SLC15A2: variants seen among roughly 807,000 people sequenced by gnomAD.
SLC15A2 encodes kidney H(+)/peptide cotransporter.
SLC15A2 carries 77 observed loss-of-function variants against 95.5 expected under a neutral mutation model. The ratio of observed to expected loss-of-function variants is 0.81; its 90% confidence interval spans 0.67 to 0.97. The LOEUF (loss-of-function observed/expected upper bound fraction) is 0.97. Among genes scored for constraint, SLC15A2 ranks in the 50% least tolerant of loss-of-function variants. The probability of loss-of-function intolerance (pLI) is 0.00; values close to 1 mark genes in which losing one functional copy is unlikely to be tolerated. For synonymous variants in SLC15A2, 306 were observed against 306.9 expected (o/e 1.00, Z 0.03); for missense variants, 893 against 874.4 (o/e 1.02, Z -0.27).
intron 7 of SLC15A2, among the ~76,000 whole-genome samples, chr3:121,921,331 T>G (rs997589968): frequency 1.3e-5 from 2 of 152,154 alleles, no homozygotes; most frequent in African/African-American, 4.8e-5. Context: ...GTACAGTATG[T>G]GGTGTAAGAA....
At chr3:121,907,595 T>G (rs1363861151) in intron 3 of SLC15A2, among the ~76,000 whole-genome samples, 1 of 152,228 alleles carries the variant, frequency 6.6e-6, no homozygotes, top group East Asian at 1.9e-4. Flanking sequence ...TTAGTTTTCC[T>G]TCTAACAGTC....
chr3:121,926,834 A>T (rs535885615), intron 13 of SLC15A2, among the ~76,000 whole-genome samples: 1 of 152,364 alleles, frequency 6.6e-6, no homozygotes, highest in African/African-American at 2.4e-5. Context: ...CTGCAAAGCC[A>T]CAAGGGTGGA....
chr3:121,902,812 G>A (rs9827473), intron 3 of SLC15A2, among the ~76,000 whole-genome samples: 68,076 of 152,078 alleles, frequency 0.45, 15,771 homozygotes, highest in East Asian at 0.69. Context: ...TAGTGCTGCA[G>A]TAAACATATG....
chr3:121,942,435 T>C lies in SLC15A2; in HGVS notation c.*1428T>C, dbSNP rs1272341844. 6.6e-6 allele frequency: 1 copy of C among 152,230 alleles called. No homozygotes were observed. Among genetic ancestry groups the C allele is most frequent in the Non-Finnish European group, 1.5e-5 (1 of 68,040 alleles). 9.4% of individuals were successfully genotyped at this position (152,230 alleles called of 1,614,324 possible). On this transcript the variant is annotated 3_prime_UTR_variant, in exon 22 of 22. Coordinates refer to ENST00000489711, the MANE Select transcript of SLC15A2 (RefSeq NM_021082.4). ...ACAGTGTTGGGTCTCATACTGTTAATGTTAATACGTAACAATGTTCATGTT... is the reference window on the plus strand; with the variant it reads ...ACAGTGTTGGGTCTCATACTGTTAACGTTAATACGTAACAATGTTCATGTT...
At chr3:121,904,560 AG>A (rs1185255628) in intron 3 of SLC15A2, among the ~76,000 whole-genome samples, 2 of 152,320 alleles carry the variant, frequency 1.3e-5, no homozygotes, top group East Asian at 1.9e-4. Flanking sequence ...TTTAGCATGA[AG>A]GGCTGTTGAT....
At chr3:121,912,994 G>A (rs1523519) in intron 4 of SLC15A2, 27 bp from the exon 5 acceptor site, 468,756 of 1,535,402 alleles carry the variant, frequency 0.31, 74,092 homozygotes, top group Admixed American at 0.43. Context: ...TATCAACATG[G>A]TTGGCATTCT....
chr3:121,931,849 A>C (rs966735971), intron 19 of SLC15A2, 114 bp downstream of exon 19: 1 of 629,200 alleles, frequency 1.6e-6, no homozygotes, highest in East Asian at 2.7e-5. Context: ...GCAGACACGT[A>C]TATTTATTTC....
intron 3 of SLC15A2, among the ~76,000 whole-genome samples, chr3:121,909,153 C>T (rs1709712917): frequency 6.6e-6 from 1 of 152,046 alleles, no homozygotes; most frequent in Non-Finnish European, 1.5e-5. Flanking sequence ...ACCTCCACCT[C>T]CTGGGTTAAA....
At chr3:121,914,874 AACCAC>A in intron 5 of SLC15A2, 1 of 440,594 alleles carries the variant, frequency 2.3e-6, no homozygotes, top group Non-Finnish European at 3.0e-6. Flanking sequence ...AAAAAAAAAA[AACCAC>A]AAACACACAC....
At chr3:121,931,391 T>C (rs1710229816) in intron 18 of SLC15A2, among the ~76,000 whole-genome samples, 1 of 152,256 alleles carries the variant, frequency 6.6e-6, no homozygotes, top group Non-Finnish European at 1.5e-5. Flanking sequence ...CAAAAGAATA[T>C]GATTTGTAAC....
intron 19 of SLC15A2, among the ~76,000 whole-genome samples, chr3:121,932,445 G>T (rs1710251915): frequency 2.0e-5 from 3 of 152,086 alleles, no homozygotes. Flanking sequence ...AATTTGATCT[G>T]CTAGCATGTC....
At chr3:121,937,703 G>T (rs1012430362) in intron 19 of SLC15A2, among the ~76,000 whole-genome samples, 1 of 152,018 alleles carries the variant, frequency 6.6e-6, no homozygotes, top group Non-Finnish European at 1.5e-5. Flanking sequence ...CTTTGCCTTT[G>T]GTTTGAATGT....
intron 19 of SLC15A2, among the ~76,000 whole-genome samples, chr3:121,931,940 C>T (rs553257775): frequency 3.0e-4 from 45 of 152,234 alleles, no homozygotes; most frequent in Non-Finnish European, 5.0e-4. Context: ...GCTCTCATCG[C>T]GCAGGCTGGA....
chr3:121,906,987 C>A (rs992468296), intron 3 of SLC15A2, among the ~76,000 whole-genome samples: 8 of 152,148 alleles, frequency 5.3e-5, no homozygotes, highest in Non-Finnish European at 8.8e-5. Flanking sequence ...TCAGGTACAC[C>A]AATCAAATGT....
rs1459691521 is a variant in SLC15A2 at position 121,939,436 on chromosome 3, C to G, written c.1849C>G (p.Leu617Val). Reference protein sequence around the residue: ...SIAWQLPQYALVTAGEVMFSV... With the variant: ...SIAWQLPQYAVVTAGEVMFSV... ...TGCGTGGCAGCTACCACAATATGCC[C>G]TGGTTACAGCTGGGGAGGTCATGTT... Residue 617 changes from leucine to valine, a missense_variant, in exon 20 of 22, where the codon CTG becomes GTG. Coordinates refer to ENST00000489711, the MANE Select transcript of SLC15A2 (RefSeq NM_021082.4). 1 of 1,571,382 alleles carries G rather than the reference C, an allele frequency of 6.4e-7. No homozygotes were observed. Among genetic ancestry groups the G allele is most frequent in the Non-Finnish European group, 8.6e-7 (1 of 1,159,870 alleles).
intron 7 of SLC15A2, among the ~76,000 whole-genome samples, chr3:121,920,240 G>A (rs1437151540): frequency 6.6e-6 from 1 of 152,092 alleles, no homozygotes; most frequent in Non-Finnish European, 1.5e-5. Flanking sequence ...AGTTTCAGGA[G>A]CAGTTTATTC....
chr3:121,899,971 C>T (rs1462149186), intron 3 of SLC15A2, among the ~76,000 whole-genome samples: 1 of 152,106 alleles, frequency 6.6e-6, no homozygotes, highest in Non-Finnish European at 1.5e-5. Context: ...GCCTTCTCTA[C>T]AGTATATTTT....
chr3:121,914,124 T>C (rs1419409050), intron 5 of SLC15A2, among the ~76,000 whole-genome samples: 1 of 152,184 alleles, frequency 6.6e-6, no homozygotes, highest in East Asian at 1.9e-4. Flanking sequence ...TAGATCATAA[T>C]TGCTTGCTGA....
Position 121,915,709 on chromosome 3 carries a change from C to T in SLC15A2, c.697+16C>T. On this transcript the variant is annotated intron_variant, in intron 7 of 21. Transcript: ENST00000489711. ...ATTGCACTTGGTAAGTGCAGTGAAG[C>T]AAAGGAAACTAATAATCATTGATAC... The T allele has an allele frequency of 6.3e-7, 1 of 1,584,286 alleles. No homozygotes were observed. The highest frequency in any genetic ancestry group is 8.7e-7 in the Non-Finnish European group (1 of 1,153,100).
Sources: allele counts gnomAD v4.1 joint callset (sites outside exome capture counted in the v4.1 genomes callset), GRCh38; gene constraint gnomAD v4.1.1; transcripts MANE v1.5; gene names NCBI Gene and HGNC (gene_info 2026-07-23, HGNC 2026-07-21).